BCOR: variants seen among roughly 807,000 people sequenced by gnomAD.
BCOR encodes the protein BCL6 corepressor.
BCOR carries 10 observed loss-of-function variants against 86.7 expected under a neutral mutation model. The ratio of observed to expected loss-of-function variants is 0.12; its 90% confidence interval spans 0.07 to 0.20. The LOEUF (loss-of-function observed/expected upper bound fraction) is 0.20, where lower values mean the gene tolerates loss of function less well. Ranked by LOEUF, BCOR falls within the 10% of genes least tolerant of loss-of-function variation. The probability of loss-of-function intolerance (pLI) is 1.00; values close to 1 mark genes in which losing one functional copy is unlikely to be tolerated. For synonymous variants in BCOR, 611 were observed against 609.0 expected (o/e 1.00, Z -0.05); for missense variants, 1,259 against 1,452.1 (o/e 0.87, Z 2.16).
At position 40,081,822 on chromosome X, in the gene BCOR, G is replaced by A. The variant is rs1346581407; in HGVS notation, c.-40-3853C>T. Reference sequence around the variant, plus strand: ...AAAGACAGCTGAGAAGAGGTCAGATGGGGAGGGTGTGGGTCTCTAAAGAAC... The same window carrying A: ...AAAGACAGCTGAGAAGAGGTCAGATAGGGAGGGTGTGGGTCTCTAAAGAAC... On this transcript the variant is annotated intron_variant, in intron 1 of 14. Coordinates refer to ENST00000378444, the MANE Select transcript of BCOR (RefSeq NM_001123385.2). Among the ~76,000 whole-genome samples, 7 of 112,448 alleles carry A rather than the reference G, an allele frequency of 6.2e-5. 1 individual carries two copies. Among genetic ancestry groups the A allele is most frequent in the Admixed American group, 2.8e-4 (3 of 10,707 alleles).
chrX:40,052,451 C>T (rs1219735396), intron 14 of BCOR, 51 bp from the exon 15 acceptor site: 41 of 1,137,766 alleles, frequency 3.6e-5, no homozygotes, highest in South Asian at 9.3e-5. Flanking sequence ...ATGAAAAGTG[C>T]GCCCAACTAT....
At chrX:40,085,993 G>A (rs1936340923) in intron 1 of BCOR, among the ~76,000 whole-genome samples, 1 of 112,220 alleles carries the variant, frequency 8.9e-6, no homozygotes, top group African/African-American at 3.2e-5. Flanking sequence ...CAGAGTAGGT[G>A]GTGCTGTGGG....
At chrX:40,168,974 C>T (rs1938564117) in intron 1 of BCOR, among the ~76,000 whole-genome samples, 2 of 112,513 alleles carry the variant, frequency 1.8e-5, no homozygotes, top group Admixed American at 1.9e-4. Context: ...CTGCAGCGGC[C>T]TGGGGGCTCT....
At chrX:40,083,144 A>T (rs1936183558) in intron 1 of BCOR, among the ~76,000 whole-genome samples, 1 of 110,404 alleles carries the variant, frequency 9.1e-6, no homozygotes, top group African/African-American at 3.3e-5. Context: ...GTGGGAGATG[A>T]GAAGAAAAAG....
chrX:40,111,392 G>C (rs1326688056), intron 1 of BCOR, among the ~76,000 whole-genome samples: 1 of 111,831 alleles, frequency 8.9e-6, no homozygotes, highest in East Asian at 2.8e-4. Flanking sequence ...CATCCATGTG[G>C]AATTTCTGCA....
chrX:40,088,825 G>A (rs1017346058), intron 1 of BCOR, among the ~76,000 whole-genome samples: 2 of 111,976 alleles, frequency 1.8e-5, no homozygotes, highest in African/African-American at 6.5e-5. Context: ...TTCCAACCAG[G>A]TCTTGCCCCT....
chrX:40,077,694 CT>C (rs1935875299), intron 2 of BCOR, 149 bp downstream of exon 2: 1 of 501,504 alleles, frequency 2.0e-6, no homozygotes, highest in Admixed American at 3.2e-5. Context: ...GCCAGGTTGC[CT>C]GTTAAAACTG....
chrX:40,162,964 T>C (rs1938449022), intron 1 of BCOR, among the ~76,000 whole-genome samples: 1 of 111,743 alleles, frequency 8.9e-6, no homozygotes, highest in Non-Finnish European at 1.9e-5. Context: ...CCTAGAGATG[T>C]ACCCAGGCCC....
intron 1 of BCOR, among the ~76,000 whole-genome samples, chrX:40,139,122 G>A (rs1368606706): frequency 1.9e-5 from 2 of 106,563 alleles, no homozygotes; most frequent in African/African-American, 6.8e-5. Context: ...ATAAGGTGCT[G>A]GGGGCTGGGA....
At chrX:40,063,422 T>A (rs1164164808) in intron 8 of BCOR, among the ~76,000 whole-genome samples, 186 bp downstream of exon 8, 1 of 111,575 alleles carries the variant, frequency 9.0e-6, no homozygotes, top group East Asian at 2.8e-4. Flanking sequence ...GGAATGAAGG[T>A]GTTCAGACTT....
intron 1 of BCOR, among the ~76,000 whole-genome samples, chrX:40,089,253 C>G (rs1314698562): frequency 1.8e-5 from 2 of 111,599 alleles, no homozygotes; most frequent in Non-Finnish European, 3.8e-5. Flanking sequence ...CCCAGTCTTA[C>G]AAATGAAAAA....
intron 6 of BCOR, among the ~76,000 whole-genome samples, chrX:40,070,148 G>A (rs1343865018): frequency 1.8e-5 from 2 of 111,930 alleles, no homozygotes; most frequent in Non-Finnish European, 3.8e-5. Flanking sequence ...ACTTCCAAGT[G>A]TCCTGTGTCA....
At chrX:40,166,031 T>C (rs1223952944) in intron 1 of BCOR, among the ~76,000 whole-genome samples, 2 of 112,242 alleles carry the variant, frequency 1.8e-5, no homozygotes, top group African/African-American at 6.5e-5. Context: ...AATTTTTTGA[T>C]GTAGGCATTC....
intron 11 of BCOR, 59 bp downstream of exon 11, chrX:40,057,096 C>T: frequency 1.7e-6 from 2 of 1,172,961 alleles, no homozygotes; most frequent in African/African-American, 3.5e-5. Flanking sequence ...ACCACCACCG[C>T]ACAGATAGGG....
At chrX:40,075,626 G>A (rs1322892787) in intron 3 of BCOR, among the ~76,000 whole-genome samples, 2 of 110,915 alleles carry the variant, frequency 1.8e-5, no homozygotes, top group Non-Finnish European at 3.8e-5. Context: ...AGGTGTGGCG[G>A]TGTGCACCTG....
intron 1 of BCOR, among the ~76,000 whole-genome samples, chrX:40,105,899 AT>A (rs1476996919): frequency 8.9e-6 from 1 of 112,381 alleles, no homozygotes; most frequent in East Asian, 2.8e-4. Flanking sequence ...CATAAAACAG[AT>A]GGGGCAAAAC....
At chrX:40,111,884 C>T (rs1937317680) in intron 1 of BCOR, among the ~76,000 whole-genome samples, 1 of 111,611 alleles carries the variant, frequency 9.0e-6, no homozygotes, top group Non-Finnish European at 1.9e-5. Flanking sequence ...TTTCTAGCAA[C>T]ACATGGAGAC....
intron 1 of BCOR, among the ~76,000 whole-genome samples, chrX:40,169,031 C>T (rs1029434735): frequency 6.7e-4 from 76 of 112,716 alleles, no homozygotes; most frequent in Non-Finnish European, 1.3e-3. Context: ...GTCAGGCCGT[C>T]TTCCAGGCCG....
At chrX:40,139,434 A>ATATATAT (rs1937804536) in intron 1 of BCOR, among the ~76,000 whole-genome samples, 1 of 19,491 alleles carries the variant, frequency 5.1e-5, no homozygotes, top group African/African-American at 7.2e-4. Context: ...ACATATATAT[A>ATATATAT]TATATATATA....
Sources: allele counts gnomAD v4.1 joint callset (sites outside exome capture counted in the v4.1 genomes callset), GRCh38; gene constraint gnomAD v4.1.1; transcripts MANE v1.5; gene names NCBI Gene and HGNC (gene_info 2026-07-23, HGNC 2026-07-21).